Variants in LDLRAD4 observed in about 807,000 individuals in gnomAD.
The protein encoded by LDLRAD4 is low-density lipoprotein receptor class A domain-containing protein 4.
LDLRAD4 carries 5 observed loss-of-function variants against 17.0 expected under a neutral mutation model. The ratio of observed to expected loss-of-function variants is 0.29; its 90% confidence interval spans 0.15 to 0.62. The LOEUF (loss-of-function observed/expected upper bound fraction) is 0.62. Among genes scored for constraint, LDLRAD4 ranks in the 20% least tolerant of loss-of-function variants. The pLI is 0.84. For missense variants in LDLRAD4, 340 were observed against 424.7 expected (o/e 0.80, Z 1.75); for synonymous variants, 168 against 171.8 (o/e 0.98, Z 0.17).
At chr18:13,482,256 C>T (rs778595427) in intron 3 of LDLRAD4, among the ~76,000 whole-genome samples, 1 of 152,132 alleles carries the variant, frequency 6.6e-6, no homozygotes, top group Non-Finnish European at 1.5e-5. Context: ...GAACCCGCTG[C>T]CCACCTCACC....
chr18:13,550,138 C>A (rs867703613), intron 3 of LDLRAD4, among the ~76,000 whole-genome samples: 3 of 152,276 alleles, frequency 2.0e-5, no homozygotes, highest in African/African-American at 4.8e-5. Context: ...TAACATAAGA[C>A]TTGAAAACAG....
At chr18:13,537,293 G>T (rs1215802941) in intron 3 of LDLRAD4, among the ~76,000 whole-genome samples, 1 of 152,184 alleles carries the variant, frequency 6.6e-6, no homozygotes, top group African/African-American at 2.4e-5. Context: ...CACACCTAGG[G>T]TATATGGCAG....
At chr18:13,349,415 A>G (rs1404369586) in intron 1 of LDLRAD4, among the ~76,000 whole-genome samples, 3 of 152,170 alleles carry the variant, frequency 2.0e-5, no homozygotes, top group Non-Finnish European at 2.9e-5. Flanking sequence ...GTGGAGTTAC[A>G]GACCAAAATT....
At chr18:13,237,732 T>C (rs777200923) in intron 1 of LDLRAD4, among the ~76,000 whole-genome samples, 1 of 152,218 alleles carries the variant, frequency 6.6e-6, no homozygotes, top group Non-Finnish European at 1.5e-5. Context: ...AGTTTCCCCA[T>C]GGAGAACCCC....
intron 1 of LDLRAD4, among the ~76,000 whole-genome samples, chr18:13,219,894 C>A (rs982992658): frequency 6.6e-6 from 1 of 152,192 alleles, no homozygotes; most frequent in Non-Finnish European, 1.5e-5. Context: ...ATGGTATTGT[C>A]TTTTCTAGTC....
chr18:13,537,573 G>T (rs1054082140), intron 3 of LDLRAD4, among the ~76,000 whole-genome samples: 3 of 152,102 alleles, frequency 2.0e-5, no homozygotes, highest in African/African-American at 7.2e-5. Context: ...CTCACCCACC[G>T]CTCACCTCCT....
chr18:13,530,730 C>T (rs2094114128), intron 3 of LDLRAD4, among the ~76,000 whole-genome samples: 1 of 152,134 alleles, frequency 6.6e-6, no homozygotes, highest in African/African-American at 2.4e-5. Flanking sequence ...AGGGACCCTG[C>T]CAGGGCCCAG....
upstream of LDLRAD4, among the ~76,000 whole-genome samples, chr18:13,275,894 A>C (rs60389696): frequency 0.017 from 2,593 of 152,338 alleles, 84 homozygotes; most frequent in African/African-American, 0.06. Context: ...ATGAATTTCC[A>C]CTTTTGGTAG....
chr18:13,389,482 G>A (rs551371821), intron 2 of LDLRAD4, among the ~76,000 whole-genome samples: 45 of 152,270 alleles, frequency 3.0e-4, no homozygotes, highest in Non-Finnish European at 5.4e-4. Context: ...GGGGAGGAGC[G>A]GCACCTAGGA....
chr18:13,284,247 T>C (rs550541986), intron 1 of LDLRAD4, among the ~76,000 whole-genome samples: 1 of 152,274 alleles, frequency 6.6e-6, no homozygotes, highest in Admixed American at 6.5e-5. Context: ...AACACCACTT[T>C]CAGAGGTGGG....
At chr18:13,572,285 G>A (rs1381725444) in intron 3 of LDLRAD4, among the ~76,000 whole-genome samples, 1 of 152,192 alleles carries the variant, frequency 6.6e-6, no homozygotes, top group Non-Finnish European at 1.5e-5. Flanking sequence ...AAAAGAAACA[G>A]GCCTGCTGCT....
chr18:13,277,888 G>A (rs1267730975), upstream of LDLRAD4, among the ~76,000 whole-genome samples: 1 of 152,222 alleles, frequency 6.6e-6, no homozygotes, highest in African/African-American at 2.4e-5. Flanking sequence ...TGGAGGCAGA[G>A]GGGGATTTTG....
intron 1 of LDLRAD4, among the ~76,000 whole-genome samples, chr18:13,256,622 G>C (rs1221845020): frequency 1.3e-5 from 2 of 152,238 alleles, no homozygotes; most frequent in Non-Finnish European, 2.9e-5. Flanking sequence ...GGTGTGAACA[G>C]TGCTGAGTAC....
chr18:13,259,979 C>G, intron 1 of LDLRAD4, among the ~76,000 whole-genome samples: 1 of 152,240 alleles, frequency 6.6e-6, no homozygotes, highest in East Asian at 1.9e-4. Flanking sequence ...GCTGTGTGGT[C>G]TGTCCAGCCT....
At chr18:13,502,074 CT>C (rs2093623545) in intron 3 of LDLRAD4, among the ~76,000 whole-genome samples, 1 of 152,194 alleles carries the variant, frequency 6.6e-6, no homozygotes, top group South Asian at 2.1e-4. Flanking sequence ...TCGCGGAAGG[CT>C]TTGAACCGTC....
At chr18:13,451,640 T>A (rs1215247223) in intron 3 of LDLRAD4, among the ~76,000 whole-genome samples, 1 of 152,162 alleles carries the variant, frequency 6.6e-6, no homozygotes, top group African/African-American at 2.4e-5. Context: ...AAAATGTGCA[T>A]CTTACATGTC....
intron 1 of LDLRAD4, among the ~76,000 whole-genome samples, chr18:13,377,909 C>T (rs183064682): frequency 5.5e-4 from 84 of 152,242 alleles, no homozygotes; most frequent in African/African-American, 1.9e-3. Flanking sequence ...AATTGGATAC[C>T]GAGTTGTGAA....
intron 3 of LDLRAD4, chr18:13,611,287 A>C (rs2039530028): frequency 6.0e-6 from 1 of 165,450 alleles, no homozygotes; most frequent in Admixed American, 6.5e-5. Context: ...TATGGCCCAC[A>C]TGTCATTCCT....
chr18:13,389,595 C>T (rs2086107617), intron 2 of LDLRAD4, among the ~76,000 whole-genome samples: 1 of 152,176 alleles, frequency 6.6e-6, no homozygotes, highest in Admixed American at 6.5e-5. Context: ...AAAAGTGGCA[C>T]ACTCTTAGGA....
Sources: allele counts gnomAD v4.1 joint callset (sites outside exome capture counted in the v4.1 genomes callset), GRCh38; gene constraint gnomAD v4.1.1; transcripts MANE v1.5; gene names NCBI Gene and HGNC (gene_info 2026-07-23, HGNC 2026-07-21).